Variants in KCNMB2 observed in about 807,000 individuals in gnomAD.
KCNMB2 encodes potassium calcium-activated channel subfamily M regulatory beta subunit 2.
Under a neutral mutation model 24.5 loss-of-function variants are expected in KCNMB2, and 9 were observed. The observed-to-expected ratio is 0.37, with a 90% CI of 0.22 to 0.64. The LOEUF is 0.64. Ranked by LOEUF, KCNMB2 falls within the 30% of genes least tolerant of loss-of-function variation. The probability of loss-of-function intolerance (pLI) is 0.63; values close to 1 mark genes in which losing one functional copy is unlikely to be tolerated. For synonymous variants in KCNMB2, 109 were observed against 104.4 expected, an observed-to-expected ratio of 1.04 and a Z score of -0.27; for missense variants, 226 against 284.3, an observed-to-expected ratio of 0.79 and a Z score of 1.47.
intron 1 of KCNMB2, chr3:178,749,232 A>G (rs1272326324): frequency 2.6e-5 from 4 of 152,180 alleles, no homozygotes; most frequent in Admixed American, 2.6e-4. Flanking sequence ...CATATATTAG[A>G]ATGCCTGCAG....
At chr3:178,648,611 G>C (rs1165619337) in intron 1 of KCNMB2, among the ~76,000 whole-genome samples, 3 of 152,174 alleles carry the variant, frequency 2.0e-5, no homozygotes, top group African/African-American at 7.2e-5. Flanking sequence ...AACACTTCTT[G>C]AGTGAACCAT....
At chr3:178,750,725 TCAGA>T (rs1030624774) in intron 1 of KCNMB2, among the ~76,000 whole-genome samples, 1 of 152,216 alleles carries the variant, frequency 6.6e-6, no homozygotes, top group African/African-American at 2.4e-5. Flanking sequence ...GCACTGCTTT[TCAGA>T]CAGTAGGAGC....
intron 1 of KCNMB2, among the ~76,000 whole-genome samples, chr3:178,699,674 C>A (rs74716261): frequency 0.027 from 4,129 of 152,320 alleles, 92 homozygotes; most frequent in Non-Finnish European, 0.039. Context: ...TCCAAGACCA[C>A]CCTGCGGAGA....
intron 1 of KCNMB2, among the ~76,000 whole-genome samples, chr3:178,605,986 G>T (rs541146530): frequency 7.2e-5 from 11 of 152,290 alleles, no homozygotes; most frequent in African/African-American, 2.4e-4. Flanking sequence ...CACTAAGGGT[G>T]TGGCCTAGTG....
chr3:178,680,609 A>C (rs1721235147), intron 1 of KCNMB2, among the ~76,000 whole-genome samples: 1 of 152,130 alleles, frequency 6.6e-6, no homozygotes. Context: ...TTTTGAAGCT[A>C]CTGAGGTCAT....
chr3:178,655,010 C>G (rs1476613341), intron 1 of KCNMB2, among the ~76,000 whole-genome samples: 1 of 150,208 alleles, frequency 6.7e-6, no homozygotes, highest in Admixed American at 6.7e-5. Flanking sequence ...GTGGTTTCTA[C>G]CTCAGAGAGC....
chr3:178,673,899 T>G (rs1020472678), intron 1 of KCNMB2, among the ~76,000 whole-genome samples: 1 of 152,214 alleles, frequency 6.6e-6, no homozygotes, highest in African/African-American at 2.4e-5. Context: ...TTTCTTAAAT[T>G]CATTTCAATT....
At chr3:178,815,118 T>C (rs1714354858) in intron 2 of KCNMB2, among the ~76,000 whole-genome samples, 1 of 152,164 alleles carries the variant, frequency 6.6e-6, no homozygotes, top group Non-Finnish European at 1.5e-5. Context: ...TCAGCAACTA[T>C]ACTAGTTTTT....
At position 178,708,135 on chromosome 3, in the gene KCNMB2, A is replaced by T. The variant is rs142387441; in HGVS notation, c.-67-99208A>T. Among the ~76,000 whole-genome samples, 13 of 152,258 alleles carry T rather than the reference A, an allele frequency of 8.5e-5. No individual in the cohort carries two copies. The East Asian group carries it at 2.5e-3, about 29-fold the overall frequency. ...TAGTTTCAGTGTCTGCCTTAGGAGG[A>T]TAATACTCTTATTGGGGTTTCTAGG... On this transcript the variant is annotated intron_variant, in intron 1 of 4. Coordinates refer to ENST00000452583, the MANE Select transcript of KCNMB2 (RefSeq NM_181361.3).
intron 1 of KCNMB2, among the ~76,000 whole-genome samples, chr3:178,664,365 T>C (rs2108574255): frequency 6.6e-6 from 1 of 152,224 alleles, no homozygotes; most frequent in Non-Finnish European, 1.5e-5. Flanking sequence ...TGAGAGGCTT[T>C]TACAGTAATC....
intron 1 of KCNMB2, among the ~76,000 whole-genome samples, chr3:178,597,715 C>A (rs1717927384): frequency 6.6e-6 from 1 of 152,116 alleles, no homozygotes; most frequent in Admixed American, 6.6e-5. Context: ...TAATTTCACA[C>A]AAATATACTC....
intron 1 of KCNMB2, among the ~76,000 whole-genome samples, chr3:178,796,325 A>G (rs1200770905): frequency 1.3e-5 from 2 of 152,142 alleles, no homozygotes; most frequent in African/African-American, 4.8e-5. Context: ...TCAACACCCC[A>G]CTTTCAGTAT....
At chr3:178,624,215 AAAAC>A (rs1180266230) in intron 1 of KCNMB2, among the ~76,000 whole-genome samples, 6 of 149,470 alleles carry the variant, frequency 4.0e-5, no homozygotes, top group African/African-American at 1.0e-4. Flanking sequence ...AATAAATAAC[AAAAC>A]AAACAAAAAA....
intron 1 of KCNMB2, among the ~76,000 whole-genome samples, chr3:178,593,905 A>C (rs1577035087): frequency 6.7e-6 from 1 of 150,006 alleles, no homozygotes; most frequent in Non-Finnish European, 1.5e-5. Flanking sequence ...ATACCAGATC[A>C]TTCATTACCT....
chr3:178,537,047 G>C (rs1715433515), intron 1 of KCNMB2, among the ~76,000 whole-genome samples: 1 of 152,148 alleles, frequency 6.6e-6, no homozygotes, highest in South Asian at 2.1e-4. Flanking sequence ...TGGTAGGGTC[G>C]AGTGAAGACT....
At chr3:178,725,404 C>T (rs1461718108) in intron 1 of KCNMB2, among the ~76,000 whole-genome samples, 4 of 151,786 alleles carry the variant, frequency 2.6e-5, no homozygotes, top group African/African-American at 4.8e-5. Flanking sequence ...CACCAAAAAA[C>T]GAAAAAGTTA....
At chr3:178,656,398 T>C (rs1428096895) in intron 1 of KCNMB2, among the ~76,000 whole-genome samples, 1 of 152,194 alleles carries the variant, frequency 6.6e-6, no homozygotes, top group Non-Finnish European at 1.5e-5. Flanking sequence ...TCTTGAATAA[T>C]GATATTATAG....
chr3:178,646,653 T>C (rs1027453326), intron 1 of KCNMB2, among the ~76,000 whole-genome samples: 3 of 152,204 alleles, frequency 2.0e-5, no homozygotes, highest in Non-Finnish European at 2.9e-5. Context: ...TAGTTAGGAC[T>C]ACAGAAGACA....
At chr3:178,558,299 G>A (rs1430007049) in intron 1 of KCNMB2, among the ~76,000 whole-genome samples, 1 of 152,136 alleles carries the variant, frequency 6.6e-6, no homozygotes. Context: ...CAATCCTACA[G>A]AATCAGCAGG....
Sources: allele counts gnomAD v4.1 joint callset (sites outside exome capture counted in the v4.1 genomes callset), GRCh38; gene constraint gnomAD v4.1.1; transcripts MANE v1.5; gene names NCBI Gene and HGNC (gene_info 2026-07-23, HGNC 2026-07-21).